HMGXB4: variants seen among roughly 807,000 people sequenced by gnomAD.
HMGXB4 encodes the protein HMG-box containing 4.
A neutral mutation model predicts 63.9 loss-of-function variants in HMGXB4; 27 were observed. The observed-to-expected ratio is 0.42, with a 90% CI of 0.31 to 0.58. The LOEUF is 0.58. Ranked by LOEUF, HMGXB4 falls within the 20% of genes least tolerant of loss-of-function variation. The probability of loss-of-function intolerance (pLI) is 0.13; values close to 1 mark genes in which losing one functional copy is unlikely to be tolerated. For synonymous variants in HMGXB4, 264 were observed against 265.3 expected (o/e 0.99, Z 0.05); for missense variants, 624 against 700.7 (o/e 0.89, Z 1.24).
chr22:35,242,122 G>C, the HMGXB4 span, among the ~76,000 whole-genome samples: 89,141 of 152,106 alleles, frequency 0.59, 28,975 homozygotes, highest in Non-Finnish European at 0.72. Flanking sequence ...ATTTTATAGA[G>C]TTTTTAAAAT....
chr22:35,291,211 G>A (rs760246343), intron 9 of HMGXB4, among the ~76,000 whole-genome samples: 5 of 151,570 alleles, frequency 3.3e-5, no homozygotes, highest in African/African-American at 4.9e-5. Flanking sequence ...GCAGTGAGCC[G>A]AGATCACACC....
At chr22:35,258,963 CAA>C (rs914479776) in intron 1 of HMGXB4, among the ~76,000 whole-genome samples, 3 of 152,150 alleles carry the variant, frequency 2.0e-5, no homozygotes, top group South Asian at 4.1e-4. Context: ...TGCAGGAGCT[CAA>C]GTTACCTCAA....
intron 5 of HMGXB4, among the ~76,000 whole-genome samples, chr22:35,271,571 T>A (rs1270243949): frequency 6.6e-6 from 1 of 152,220 alleles, no homozygotes; most frequent in Non-Finnish European, 1.5e-5. Context: ...TTGGATAAGT[T>A]ACAGAACAAC....
At chr22:35,282,466 C>G (rs1924326990) in intron 5 of HMGXB4, among the ~76,000 whole-genome samples, 1 of 152,120 alleles carries the variant, frequency 6.6e-6, no homozygotes, top group South Asian at 2.1e-4. Flanking sequence ...CGGCCACATT[C>G]ATGTCATTTT....
chr22:35,270,475 T>C (rs1398662678), intron 5 of HMGXB4, among the ~76,000 whole-genome samples: 1 of 152,220 alleles, frequency 6.6e-6, no homozygotes, highest in Non-Finnish European at 1.5e-5. Context: ...ATGTAATGAA[T>C]GCACTTGAAT....
intron 5 of HMGXB4, among the ~76,000 whole-genome samples, chr22:35,279,132 C>CTTTTTTTGTTTTTTTT (rs1924086594): frequency 2.0e-5 from 1 of 50,802 alleles, no homozygotes; most frequent in Non-Finnish European, 3.2e-5. Flanking sequence ...TATGGATTGT[C>CTTTTTTTGTTTTTTTT]TTTTTTTTTT....
At position 35,261,615 on chromosome 22, in the gene HMGXB4, A is replaced by G. The variant is rs533546788; in HGVS notation, c.-68-708A>G. On this transcript the variant is annotated intron_variant, in intron 1 of 10. Coordinates refer to ENST00000216106, the MANE Select transcript of HMGXB4 (RefSeq NM_001003681.3). The stretch of plus-strand genomic sequence containing the variant: ...TATTAGTGAAGGTCTTAATAATCAT[A>G]AAAGTTTTATGACCAGTGGACAAAT... 2.3e-4 allele frequency among the ~76,000 whole-genome samples: 35 copies of G among 152,266 alleles called. No homozygotes were observed. The South Asian group carries it at 6.8e-3, about 30-fold the overall frequency.
intron 5 of HMGXB4, among the ~76,000 whole-genome samples, chr22:35,282,340 C>T (rs1300732520): frequency 3.3e-5 from 5 of 152,132 alleles, no homozygotes; most frequent in Admixed American, 6.5e-5. Flanking sequence ...CCATGCCCGG[C>T]TAATTTTTTA....
chr22:35,290,228 T>A (rs1157809401), intron 9 of HMGXB4, among the ~76,000 whole-genome samples: 1 of 152,226 alleles, frequency 6.6e-6, no homozygotes, highest in Non-Finnish European at 1.5e-5. Flanking sequence ...CCCAGATATT[T>A]CCATTTAGTT....
intron 1 of HMGXB4, chr22:35,262,029 GT>G (rs1487728935): frequency 8.3e-6 from 2 of 241,596 alleles, no homozygotes; most frequent in African/African-American, 4.6e-5. Flanking sequence ...TGTCAGTCCT[GT>G]TGGCATTTTA....
At chr22:35,272,540 T>C (rs554889144) in intron 5 of HMGXB4, among the ~76,000 whole-genome samples, 1 of 152,354 alleles carries the variant, frequency 6.6e-6, no homozygotes, top group South Asian at 2.1e-4. Context: ...ATCATCTCAT[T>C]GCAGTGGAAG....
At chr22:35,289,094 T>G (rs781550419) in intron 9 of HMGXB4, among the ~76,000 whole-genome samples, 1 of 151,220 alleles carries the variant, frequency 6.6e-6, no homozygotes, top group Admixed American at 6.6e-5. Context: ...GAGTCAAGAT[T>G]GCGCTACTGT....
At chr22:35,259,036 A>G (rs1162290837) in intron 1 of HMGXB4, among the ~76,000 whole-genome samples, 8 of 152,232 alleles carry the variant, frequency 5.3e-5, no homozygotes, top group Non-Finnish European at 1.2e-4. Context: ...AAAGTGCTAT[A>G]TCTGAGGACT....
intron 5 of HMGXB4, among the ~76,000 whole-genome samples, chr22:35,282,889 C>T (rs1003963057): frequency 1.3e-5 from 2 of 152,122 alleles, no homozygotes; most frequent in Non-Finnish European, 2.9e-5. Flanking sequence ...CCTTAGACCA[C>T]GTATAATTGT....
chr22:35,283,374 G>A (rs1041724231), intron 5 of HMGXB4, among the ~76,000 whole-genome samples: 4 of 152,224 alleles, frequency 2.6e-5, no homozygotes, highest in African/African-American at 7.2e-5. Flanking sequence ...TGAAAGAAAT[G>A]TGTAACATGG....
chr22:35,259,863 A>G (rs973174254), intron 1 of HMGXB4, among the ~76,000 whole-genome samples: 3 of 152,234 alleles, frequency 2.0e-5, no homozygotes, highest in African/African-American at 7.2e-5. Context: ...AAGAAAATTT[A>G]AACAGTGGTA....
chr22:35,288,279 C>T lies in HMGXB4; in HGVS notation c.1510C>T (p.Pro504Ser), dbSNP rs764205329. Residue 504 changes from proline (P) to serine (S), a missense_variant, in exon 9 of 11, where the codon CCC becomes TCC. Transcript: ENST00000216106. ...GVLSPQKKSP[P>S]TTMLLPASPA... ...ACTGTCACCCCAGAAGAAGTCCCCA[C>T]CCACCACCATGCTGTTACCAGCCTC... The T allele has an allele frequency of 2.5e-6, 4 of 1,605,776 alleles. No individual in the cohort carries two copies. In the South Asian group the frequency reaches 3.3e-5, roughly 13 times the overall value.
chr22:35,247,481 G>T, the HMGXB4 span, among the ~76,000 whole-genome samples: 2 of 152,164 alleles, frequency 1.3e-5, no homozygotes, highest in Non-Finnish European at 2.9e-5. Flanking sequence ...ACAAGAGCTG[G>T]AACTGTCTTT....
the HMGXB4 span, among the ~76,000 whole-genome samples, chr22:35,249,076 T>C: frequency 6.6e-6 from 1 of 152,144 alleles, no homozygotes; most frequent in Admixed American, 6.5e-5. Context: ...TCTTTTTTTT[T>C]GAGGCAGAGT....
Sources: allele counts gnomAD v4.1 joint callset (sites outside exome capture counted in the v4.1 genomes callset), GRCh38; gene constraint gnomAD v4.1.1; transcripts MANE v1.5; gene names NCBI Gene and HGNC (gene_info 2026-07-23, HGNC 2026-07-21).